The following SLC22A3 variants were observed in gnomAD, a reference collection of about 807,000 sequenced individuals.
The protein encoded by SLC22A3 is solute carrier family 22 member 3.
Under a neutral mutation model 59.1 loss-of-function variants are expected in SLC22A3, and 51 were observed. The observed-to-expected ratio is 0.86, with a 90% CI of 0.69 to 1.09. SLC22A3 has a LOEUF of 1.09. Among genes scored for constraint, SLC22A3 ranks in the 50% least tolerant of loss-of-function variants. SLC22A3 has a pLI of 0.00. For synonymous variants in SLC22A3, 325 were observed against 292.0 expected (o/e 1.11, Z -1.15); for missense variants, 711 against 726.3 (o/e 0.98, Z 0.24).
At chr6:160,405,870 C>G (rs1181233909) in intron 2 of SLC22A3, among the ~76,000 whole-genome samples, 2 of 151,636 alleles carry the variant, frequency 1.3e-5, no homozygotes, top group Non-Finnish European at 2.9e-5. Flanking sequence ...TTGGAAAAAG[C>G]AAAACTATGG....
intron 2 of SLC22A3, among the ~76,000 whole-genome samples, chr6:160,406,491 G>A (rs1787017781): frequency 6.6e-6 from 1 of 152,120 alleles, no homozygotes; most frequent in Non-Finnish European, 1.5e-5. Context: ...AACTGACATT[G>A]GCTGTGAACT....
chr6:160,402,127 T>C (rs572462736), intron 2 of SLC22A3, among the ~76,000 whole-genome samples: 2 of 152,078 alleles, frequency 1.3e-5, no homozygotes, highest in African/African-American at 4.8e-5. Context: ...CAACCATATA[T>C]GTTGTCTACA....
intron 5 of SLC22A3, among the ~76,000 whole-genome samples, chr6:160,416,600 GA>G (rs1222003824): frequency 2.0e-5 from 3 of 152,132 alleles, no homozygotes; most frequent in Non-Finnish European, 4.4e-5. Context: ...TCAAGGATGA[GA>G]ACTGCTTTCT....
chr6:160,408,725 G>A (rs1455783847), intron 3 of SLC22A3, 28 bp from the exon 4 acceptor site: 2 of 1,611,996 alleles, frequency 1.2e-6, no homozygotes, highest in East Asian at 2.2e-5. Flanking sequence ...TTGTGCTTCT[G>A]TGACCTCTTG....
chr6:160,401,037 A>C (rs1786760698), intron 2 of SLC22A3, among the ~76,000 whole-genome samples: 1 of 151,556 alleles, frequency 6.6e-6, no homozygotes, highest in African/African-American at 2.4e-5. Flanking sequence ...CACCTGAAAA[A>C]GCAGAACAGA....
intron 2 of SLC22A3, among the ~76,000 whole-genome samples, chr6:160,400,655 AACACAC>A (rs55746106): frequency 1.7e-4 from 25 of 148,876 alleles, no homozygotes; most frequent in East Asian, 2.0e-4. Context: ...TAAAAGCCAA[AACACAC>A]ACACACACAC....
rs549975194 is a variant in SLC22A3 at position 160,442,953 on chromosome 6, C to T, written c.1397+84C>T. On this transcript the variant is annotated intron_variant, in intron 8 of 10. Coordinates refer to ENST00000275300, the MANE Select transcript of SLC22A3 (RefSeq NM_021977.4). Reference sequence around the variant, plus strand: ...TTGATTTAGTTAAAAACTATGAAGTCGTTTCCTTAGCTCAGTGATATATTA... The same window carrying T: ...TTGATTTAGTTAAAAACTATGAAGTTGTTTCCTTAGCTCAGTGATATATTA... The T allele has an allele frequency of 4.2e-3, 4,465 of 1,073,902 alleles. 18 individuals are homozygous for T. The highest frequency in any genetic ancestry group is 5.2e-3 in the Non-Finnish European group (3,647 of 705,412). The allele number at this position is 1,073,902 out of a possible 1,614,324, so 66.5% of individuals were successfully genotyped here.
chr6:160,425,148 T>C (rs1474530039), intron 5 of SLC22A3, among the ~76,000 whole-genome samples: 2 of 152,230 alleles, frequency 1.3e-5, no homozygotes, highest in Non-Finnish European at 2.9e-5. Flanking sequence ...ACTTGGTACA[T>C]TTTGTTGTCT....
intron 1 of SLC22A3, among the ~76,000 whole-genome samples, chr6:160,369,496 A>G (rs1785323523): frequency 6.6e-6 from 1 of 152,208 alleles, no homozygotes; most frequent in Non-Finnish European, 1.5e-5. Flanking sequence ...TTTAATCCTT[A>G]AATATACAAA....
At chr6:160,370,012 T>A (rs1439311601) in intron 1 of SLC22A3, among the ~76,000 whole-genome samples, 1 of 152,230 alleles carries the variant, frequency 6.6e-6, no homozygotes, top group Non-Finnish European at 1.5e-5. Context: ...CTCAGTTAGC[T>A]GCAACAACTG....
intron 1 of SLC22A3, among the ~76,000 whole-genome samples, chr6:160,369,345 A>G (rs1234351447): frequency 6.6e-6 from 1 of 152,230 alleles, no homozygotes; most frequent in Non-Finnish European, 1.5e-5. Flanking sequence ...GACTATTATG[A>G]AAATGTTTAG....
At chr6:160,356,520 C>T (rs1245189782) in intron 1 of SLC22A3, among the ~76,000 whole-genome samples, 1 of 152,186 alleles carries the variant, frequency 6.6e-6, no homozygotes, top group African/African-American at 2.4e-5. Context: ...CGAGCCTGCT[C>T]CAGGGCAGCT....
At chr6:160,361,575 G>A (rs1253191107) in intron 1 of SLC22A3, among the ~76,000 whole-genome samples, 1 of 152,156 alleles carries the variant, frequency 6.6e-6, no homozygotes, top group Non-Finnish European at 1.5e-5. Context: ...CACTTGACAT[G>A]TGTTCAACTC....
intron 5 of SLC22A3, among the ~76,000 whole-genome samples, chr6:160,413,237 A>G (rs1583490665): frequency 6.6e-6 from 1 of 152,176 alleles, no homozygotes; most frequent in African/African-American, 2.4e-5. Context: ...CACTGCTCCC[A>G]CAGACCCACT....
At position 160,447,721 on chromosome 6, in the gene SLC22A3, A is replaced by G. The variant is rs1435460963; in HGVS notation, c.1513A>G (p.Ile505Val). Residue 505 changes from isoleucine (I) to valine (V), a missense_variant and splice_region_variant, in exon 10 of 11, where the codon ATC becomes GTC. Physicochemically the swap from Ile to Val is conservative, Grantham distance 29 (BLOSUM62 3). Coordinates refer to ENST00000275300, the MANE Select transcript of SLC22A3 (RefSeq NM_021977.4). ...AACACCTTTCCCCTATTCCATAGGT[A>G]TCCTGGCATCCATCTGTGGTGGCCT... The part of the protein sequence containing the change: ...WLELPLIIFG[I>V]LASICGGLVM... 6.2e-7 allele frequency: 1 copy of G among 1,613,892 alleles called. No individual in the cohort carries two copies. Among genetic ancestry groups the G allele is most frequent in the Admixed American group, 1.7e-5 (1 of 60,028 alleles).
intron 1 of SLC22A3, among the ~76,000 whole-genome samples, chr6:160,394,756 C>T (rs1051446636): frequency 6.6e-6 from 1 of 152,180 alleles, no homozygotes; most frequent in Non-Finnish European, 1.5e-5. Context: ...GGACAGGGGT[C>T]AGGAAGGACA....
chr6:160,410,348 T>C (rs1194680833), intron 4 of SLC22A3, among the ~76,000 whole-genome samples: 2 of 152,240 alleles, frequency 1.3e-5, no homozygotes, highest in Non-Finnish European at 2.9e-5. Flanking sequence ...TGAACATGTT[T>C]TAATGATTCT....
intron 9 of SLC22A3, among the ~76,000 whole-genome samples, chr6:160,446,053 AG>A (rs943262608): frequency 6.6e-6 from 1 of 152,188 alleles, no homozygotes; most frequent in East Asian, 1.9e-4. Context: ...CAGAGACCTG[AG>A]GGGTGGCAAA....
rs1287576793 is a variant in SLC22A3 at position 160,443,730 on chromosome 6, C to T, written c.1498C>T (p.Leu500=). The part of the protein sequence containing the change: ...RLAAVWLELP[L]IIFGILASIC... Reference sequence around the variant, plus strand: ...AGCAGCCGTGTGGCTAGAACTACCTCTGATCATCTTTGGTAAGAACTCATT... The same window carrying T: ...AGCAGCCGTGTGGCTAGAACTACCTTTGATCATCTTTGGTAAGAACTCATT... The change falls in exon 9 of 11, where the codon CTG becomes TTG. Residue 500 remains leucine (L), a synonymous_variant. Transcript: ENST00000275300. 1.2e-6 allele frequency: 2 copies of T among 1,607,666 alleles called. No homozygotes were observed. The highest frequency in any genetic ancestry group is 1.7e-6 in the Non-Finnish European group (2 of 1,176,044).
Sources: gnomAD v4.1 joint callset for allele counts (sites outside exome capture counted in the v4.1 genomes callset) on GRCh38, gnomAD v4.1.1 for gene constraint, MANE v1.5 for transcripts, NCBI Gene and HGNC (gene_info 2026-07-23, HGNC 2026-07-21) for gene names.